The following KLC1 variants were observed in gnomAD, a reference collection of about 807,000 sequenced individuals.
The protein encoded by KLC1 is kinesin 2 60/70kDa.
A neutral mutation model predicts 84.2 loss-of-function variants in KLC1; 30 were observed. The ratio of observed to expected loss-of-function variants is 0.36; its 90% CI spans 0.27 to 0.48. KLC1 has a LOEUF of 0.48. Ranked by LOEUF, KLC1 falls within the 20% of genes least tolerant of loss-of-function variation. The probability of loss-of-function intolerance (pLI) is 0.99; values close to 1 mark genes in which losing one functional copy is unlikely to be tolerated. For synonymous variants in KLC1, 289 were observed against 293.3 expected, an observed-to-expected ratio of 0.99 and a Z score of 0.15; for missense variants, 499 against 805.4, an observed-to-expected ratio of 0.62 and a Z score of 4.60.
At position 103,694,259 on chromosome 14, in the gene KLC1, T is replaced by G; in HGVS notation, c.1848+1834T>G. 2 of 983,768 alleles carry G rather than the reference T, an allele frequency of 2.0e-6. No homozygotes were observed. The highest frequency in any genetic ancestry group is 1.2e-6 in the Non-Finnish European group (1 of 829,324). The allele number at this position is 983,768 out of a possible 1,614,324, so 60.9% of individuals were successfully genotyped here. ...AGAGACGTGTGTTTCACTTTTTTTT[T>G]TTTTTTTTTTGAGACGGAGTCTAAC... On this transcript the variant is annotated intron_variant, in intron 15 of 16. Transcript: ENST00000334553. The surrounding 1 kb of genome is among the most constrained non-coding windows in gnomAD (Gnocchi z 4.5).
chr14:103,654,576 C>T lies in KLC1; in HGVS notation c.12C>T (p.Asn4=). The T allele has an allele frequency of 6.2e-7, 1 of 1,604,356 alleles. No homozygotes were observed. The highest frequency in any genetic ancestry group is 8.5e-7 in the Non-Finnish European group (1 of 1,174,962). MYD[N]MSTMVYIKED... ...TTTTTCATTCCAGAATGTATGACAA[C>T]ATGTCCACAATGGTGTACATAAAGG... Residue 4 remains asparagine (N), a synonymous_variant, in exon 2 of 17, where the codon AAC becomes AAT. Coordinates refer to ENST00000334553, the MANE Select transcript of KLC1 (RefSeq NM_001394837.1).
rs1274145737 is a variant in KLC1, at chr14:103,685,368, C to T, written c.1651-1713C>T. 22 of 1,219,448 alleles carry T rather than the reference C, an allele frequency of 1.8e-5. No homozygotes were observed. The Admixed American group carries it at 7.8e-4, about 43-fold the overall frequency. The allele number at this position is 1,219,448 out of a possible 1,614,324, so 75.5% of individuals were successfully genotyped here. A position where few individuals can be genotyped will look rare whatever the true frequency, so the allele number is the denominator to read the frequency against. On this transcript the variant is annotated intron_variant, in intron 13 of 16. Coordinates refer to ENST00000334553, the MANE Select transcript of KLC1 (RefSeq NM_001394837.1). Reference sequence around the variant, plus strand: ...TGTCAAGGAGATTTCTAATACGTTGCCAATCTTTACGCTTAAAGTGTTGAC... The same window carrying T: ...TGTCAAGGAGATTTCTAATACGTTGTCAATCTTTACGCTTAAAGTGTTGAC...
At chr14:103,678,560 C>T (rs1387786497) in intron 12 of KLC1, among the ~76,000 whole-genome samples, 3 of 151,540 alleles carry the variant, frequency 2.0e-5, no homozygotes, top group Non-Finnish European at 4.4e-5. Flanking sequence ...TGTGTTGGCC[C>T]AAGCCTGTGG....
At chr14:103,700,623 C>G in intron 15 of KLC1, 32 bp from the exon 16 acceptor site, 1 of 1,589,226 alleles carries the variant, frequency 6.3e-7, no homozygotes, top group East Asian at 2.3e-5. Context: ...CCTGCACGCC[C>G]TGAGTGAAAC....
intron 7 of KLC1, among the ~76,000 whole-genome samples, chr14:103,671,553 TA>T (rs558706477): frequency 8.1e-4 from 124 of 152,280 alleles, no homozygotes; most frequent in African/African-American, 2.9e-3. Context: ...TATTTTTTAG[TA>T]GAGATGGGGT....
At chr14:103,670,877 AG>A (rs1194575066) in intron 7 of KLC1, among the ~76,000 whole-genome samples, 1 of 151,850 alleles carries the variant, frequency 6.6e-6, no homozygotes. Context: ...GAGCCTAGGA[AG>A]TTTAAGACCA....
At position 103,693,920 on chromosome 14, in the gene KLC1, C is replaced by T. The variant is rs373179817; in HGVS notation, c.1848+1495C>T. 8.5e-5 allele frequency: 106 copies of T among 1,252,248 alleles called. No individual in the cohort carries two copies. The South Asian group carries it at 1.9e-3, about 23-fold the overall frequency. 77.6% of individuals were successfully genotyped at this position (1,252,248 alleles called of 1,614,324 possible). ...CACGCTGGGGATTGGCTCCTGCTCA[C>T]GGATGCTGTTGCATTTCCTGCCTGC... On this transcript the variant is annotated intron_variant, in intron 15 of 16. Coordinates refer to ENST00000334553, the MANE Select transcript of KLC1 (RefSeq NM_001394837.1). The surrounding 1 kb of genome is among the most constrained non-coding windows in gnomAD (Gnocchi z 5.1).
At chr14:103,637,661 T>C (rs2077153028) in intron 1 of KLC1, among the ~76,000 whole-genome samples, 1 of 152,084 alleles carries the variant, frequency 6.6e-6, no homozygotes. Context: ...AATAGATGCA[T>C]TTGTTTTGTC....
chr14:103,655,130 G>T (rs1352653642), intron 2 of KLC1, among the ~76,000 whole-genome samples: 2 of 151,924 alleles, frequency 1.3e-5, no homozygotes, highest in African/African-American at 4.8e-5. Context: ...GCAGGCTTGA[G>T]GCAGGAGAAT....
intron 5 of KLC1, among the ~76,000 whole-genome samples, chr14:103,665,801 T>C (rs1179438292): frequency 6.6e-6 from 1 of 152,212 alleles, no homozygotes; most frequent in African/African-American, 2.4e-5. Flanking sequence ...TTATAGTCCT[T>C]GGTACCTGCT....
At chr14:103,636,510 G>A (rs2077054833) in intron 1 of KLC1, among the ~76,000 whole-genome samples, 1 of 151,538 alleles carries the variant, frequency 6.6e-6, no homozygotes, top group Admixed American at 6.6e-5. Context: ...GTGAGCCACC[G>A]TGCCTGGCCT....
At chr14:103,672,159 G>A (rs1199276083) in intron 7 of KLC1, among the ~76,000 whole-genome samples, 1 of 152,120 alleles carries the variant, frequency 6.6e-6, no homozygotes, top group African/African-American at 2.4e-5. Flanking sequence ...GGTTTCTCAG[G>A]GAAGGTCGGT....
intron 1 of KLC1, among the ~76,000 whole-genome samples, chr14:103,635,023 T>C (rs920882290): frequency 1.3e-5 from 2 of 152,340 alleles, no homozygotes; most frequent in South Asian, 2.1e-4. Flanking sequence ...AAATGAATTA[T>C]GATTTTTTTT....
At chr14:103,689,045 G>A (rs1231785496) in intron 14 of KLC1, among the ~76,000 whole-genome samples, 2 of 145,958 alleles carry the variant, frequency 1.4e-5, no homozygotes, top group Non-Finnish European at 3.1e-5. Flanking sequence ...GAGGGTTGGA[G>A]CAGTGCTGTG....
intron 8 of KLC1, 35 bp downstream of exon 8, chr14:103,673,222 G>A: frequency 6.3e-7 from 1 of 1,591,694 alleles, no homozygotes. Context: ...GAGGGGGCCA[G>A]GAGTGCTTTC....
chr14:103,629,677 C>G (rs1333550900), intron 1 of KLC1, among the ~76,000 whole-genome samples, 183 bp downstream of exon 1: 1 of 152,086 alleles, frequency 6.6e-6, no homozygotes, highest in Non-Finnish European at 1.5e-5. Flanking sequence ...CCGCCCCGGC[C>G]GGTCCGCGAC....
intron 11 of KLC1, 87 bp downstream of exon 11, chr14:103,675,843 T>C (rs1281270240): frequency 3.8e-6 from 4 of 1,064,920 alleles, no homozygotes; most frequent in South Asian, 1.3e-5. Flanking sequence ...AAATGACCAA[T>C]GTGTAGTGTT....
intron 1 of KLC1, among the ~76,000 whole-genome samples, chr14:103,631,323 G>A (rs1232468216): frequency 1.3e-5 from 2 of 152,024 alleles, no homozygotes; most frequent in Non-Finnish European, 2.9e-5. Flanking sequence ...CTCGTGATCC[G>A]CCCACCTCGG....
chr14:103,673,259 T>C, intron 8 of KLC1, 72 bp downstream of exon 8: 1 of 1,562,512 alleles, frequency 6.4e-7, no homozygotes, highest in Non-Finnish European at 8.7e-7. Context: ...CTTTCTCATT[T>C]AACTGGAGAT....
Sources: allele counts gnomAD v4.1 joint callset (sites outside exome capture counted in the v4.1 genomes callset), GRCh38; gene constraint gnomAD v4.1.1; non-coding constraint Gnocchi (gnomAD v3.1); transcripts MANE v1.5; gene names NCBI Gene and HGNC (gene_info 2026-07-23, HGNC 2026-07-21).